The following PLD3 variants were observed in gnomAD, a reference collection of about 807,000 sequenced individuals.
PLD3 encodes 5'-3' exonuclease PLD3.
PLD3 carries 31 observed loss-of-function variants against 58.4 expected under a neutral mutation model. The ratio of observed to expected loss-of-function variants is 0.53; its 90% CI spans 0.40 to 0.72. The LOEUF (loss-of-function observed/expected upper bound fraction) is 0.72, where lower values mean the gene tolerates loss of function less well. Among genes scored for constraint, PLD3 ranks in the 30% least tolerant of loss-of-function variants. PLD3 has a pLI of 0.00. For missense variants in PLD3, 595 were observed against 659.8 expected (o/e 0.90, Z 1.08); for synonymous variants, 264 against 273.4 (o/e 0.97, Z 0.34).
At chr19:40,376,847 G>A (rs529725911) in intron 11 of PLD3, 73 bp downstream of exon 11, 87 of 1,399,522 alleles carry the variant, frequency 6.2e-5, no homozygotes, top group Middle Eastern at 3.6e-4. Context: ...CATGGGACTC[G>A]TCTGTCAATG....
chr19:40,377,817 A>G lies in PLD3; in HGVS notation c.1217A>G (p.Gln406Arg). The G allele has an allele frequency of 6.2e-7, 1 of 1,613,866 alleles. No homozygotes were observed. Among genetic ancestry groups the G allele is most frequent in the Non-Finnish European group, 8.5e-7 (1 of 1,179,864 alleles). The change falls in exon 12 of 13, where the codon CAG becomes CGG. Residue 406 changes from glutamine to arginine, a missense_variant. By Grantham distance (43) the Gln-to-Arg change is conservative. Transcript: ENST00000409735. ...TTTGTGGTCCCCGCGGATGAGGCCC[A>G]GGCTCGAATCCCATATGCCCGTGTC... ...KLFVVPADEA[Q>R]ARIPYARVNH...
intron 1 of PLD3, among the ~76,000 whole-genome samples, chr19:40,355,612 C>CTTTTTTTT (rs60422933): frequency 1.2e-5 from 1 of 81,104 alleles, no homozygotes; most frequent in Non-Finnish European, 2.3e-5. Flanking sequence ...GTGCCGGCTC[C>CTTTTTTTT]TTTTTTTTTT....
intron 1 of PLD3, among the ~76,000 whole-genome samples, chr19:40,351,819 T>G (rs899836162): frequency 7.9e-5 from 12 of 152,084 alleles, no homozygotes; most frequent in African/African-American, 2.9e-4. Flanking sequence ...AGGGATGCGG[T>G]CCAGTGTGAC....
rs771238072 is a variant in PLD3, at chr19:40,366,455, C to T, written c.-29C>T. On this transcript the variant is annotated 5_prime_UTR_variant, in exon 3 of 13. Coordinates refer to ENST00000409735, the MANE Select transcript of PLD3 (RefSeq NM_012268.4). ...TGACACACCCACCTTCTCACCTGGG[C>T]TCTGCGTATCCCCCAGCCTTGAGGG... 1.2e-6 allele frequency: 2 copies of T among 1,612,308 alleles called. No individual in the cohort carries two copies. Among genetic ancestry groups the T allele is most frequent in the South Asian group, 2.2e-5 (2 of 91,054 alleles).
chr19:40,354,069 C>CTTTTTTTT (rs36125021), intron 1 of PLD3, among the ~76,000 whole-genome samples: 1 of 78,254 alleles, frequency 1.3e-5, no homozygotes, highest in Non-Finnish European at 2.3e-5. Flanking sequence ...ATTTTTTAGC[C>CTTTTTTTT]TTTTTTTTTT....
At chr19:40,364,131 G>T (rs1440066785) in intron 1 of PLD3, among the ~76,000 whole-genome samples, 1 of 152,010 alleles carries the variant, frequency 6.6e-6, no homozygotes, top group Non-Finnish European at 1.5e-5. Context: ...CAAGGCAGGC[G>T]GATCACGAGG....
At chr19:40,355,743 A>G (rs986315690) in intron 1 of PLD3, 3 of 149,448 alleles carry the variant, frequency 2.0e-5, no homozygotes, top group African/African-American at 7.4e-5. Context: ...CCTGCTATGC[A>G]CTTTCCTATG....
chr19:40,377,470 G>A (rs900783629), intron 11 of PLD3, among the ~76,000 whole-genome samples: 3 of 151,688 alleles, frequency 2.0e-5, no homozygotes, highest in Non-Finnish European at 4.4e-5. Context: ...GGGTGGGGAT[G>A]CCCAGAGGAA....
chr19:40,373,576 C>CAA (rs1250262822), intron 9 of PLD3, among the ~76,000 whole-genome samples: 4 of 73,572 alleles, frequency 5.4e-5, no homozygotes, highest in African/African-American at 1.5e-4. Flanking sequence ...GACTCCACTT[C>CAA]AAAAAAAAAA....
chr19:40,371,594 A>G, intron 8 of PLD3, 79 bp from the exon 9 acceptor site: 1 of 927,078 alleles, frequency 1.1e-6, no homozygotes, highest in Non-Finnish European at 1.7e-6. Context: ...GGGGAAAGAC[A>G]GAGACCAGAC....
At position 40,377,917 on chromosome 19, in the gene PLD3, G is replaced by A. The variant is rs769974414; in HGVS notation, c.1285+32G>A. 1.5e-5 allele frequency: 25 copies of A among 1,613,064 alleles called. 1 individual carries two copies. The South Asian group carries it at 2.7e-4, about 18-fold the overall frequency. On this transcript the variant is annotated intron_variant, in intron 12 of 12. Transcript: ENST00000409735. ...GTCTTGAGCACCACGGGGCGCTGAA[G>A]AAGAGGGGGTTCAGACACCAGGGGC...
At chr19:40,364,512 C>T (rs1415437047) in intron 1 of PLD3, among the ~76,000 whole-genome samples, 5 of 151,660 alleles carry the variant, frequency 3.3e-5, no homozygotes, top group Non-Finnish European at 7.4e-5. Context: ...TTAGCTGCGG[C>T]TGGGCGCGGT....
chr19:40,367,546 G>A lies in PLD3; in HGVS notation c.246-150G>A, dbSNP rs73046346. The stretch of plus-strand genomic sequence containing the variant: ...CAGTGAGCTGAGATGGCGCCACTGC[G>A]CTTCCAGCCTGGGGGACAGGGCAAG... On this transcript the variant is annotated intron_variant, in intron 5 of 12. Transcript: ENST00000409735. 3.9e-3 allele frequency: 2,428 copies of A among 615,416 alleles called. 10 individuals are homozygous for A. The highest frequency in any genetic ancestry group is 5.0e-3 in the Non-Finnish European group (1,831 of 365,372). 38.1% of individuals were successfully genotyped at this position (615,416 alleles called of 1,614,324 possible). A position where few individuals can be genotyped will look rare whatever the true frequency, so the allele number is the denominator to read the frequency against.
intron 1 of PLD3, chr19:40,357,012 G>A (rs547569545): frequency 6.6e-6 from 1 of 152,232 alleles, no homozygotes; most frequent in South Asian, 2.1e-4. Context: ...TCCCTAGGAG[G>A]GGCACTTATT....
At chr19:40,351,229 TCAAAACAAAAAAACAAAA>T (rs1436347460) in intron 1 of PLD3, among the ~76,000 whole-genome samples, 1 of 122,930 alleles carries the variant, frequency 8.1e-6, no homozygotes, top group Non-Finnish European at 1.9e-5. Context: ...AGACCCTGTC[TCAAAACAAAAAAACAAAA>T]CAAAACAAAA....
intron 1 of PLD3, among the ~76,000 whole-genome samples, chr19:40,363,270 A>G (rs1323696940): frequency 6.6e-6 from 1 of 152,178 alleles, no homozygotes; most frequent in Non-Finnish European, 1.5e-5. Context: ...AAGAAAATTG[A>G]AGACAAGCAT....
chr19:40,376,867 G>T, intron 11 of PLD3, 93 bp downstream of exon 11: 1 of 1,218,982 alleles, frequency 8.2e-7, no homozygotes, highest in Non-Finnish European at 1.1e-6. Context: ...GACAAGGGCA[G>T]CCCAGAGTGA....
intron 1 of PLD3, among the ~76,000 whole-genome samples, chr19:40,353,473 C>G (rs2078569645): frequency 6.6e-6 from 1 of 152,112 alleles, no homozygotes; most frequent in Admixed American, 6.6e-5. Context: ...TGCTGTGCAA[C>G]CTAAGCAGGT....
rs67582213 is a variant in PLD3 at position 40,360,580 on chromosome 19, TAAAAAAAAAAAAA to T, written c.-278-5128_-278-5116del. 2.6e-5 allele frequency: 3 copies of T among 115,184 alleles called. No individual in the cohort carries two copies. In the East Asian group the frequency reaches 7.3e-4, roughly 28 times the overall value. The allele number at this position is 115,184 out of a possible 1,614,324, so 7.1% of individuals were successfully genotyped here. A position where few individuals can be genotyped will look rare whatever the true frequency, so the allele number is the denominator to read the frequency against. On this transcript the variant is annotated intron_variant, in intron 1 of 12. Coordinates refer to ENST00000409735, the MANE Select transcript of PLD3 (RefSeq NM_012268.4). ...TGGATAACAGAGCGAGACTCCGTCTTAAAAAAAAAAAAAAAAAAAAAAGACAACAAATTCATTC... is the reference window on the plus strand; with the variant it reads ...TGGATAACAGAGCGAGACTCCGTCTTAAAAAAAAAGACAACAAATTCATTC...
Sources: gnomAD v4.1 joint callset for allele counts (sites outside exome capture counted in the v4.1 genomes callset) on GRCh38, gnomAD v4.1.1 for gene constraint, MANE v1.5 for transcripts, NCBI Gene and HGNC (gene_info 2026-07-23, HGNC 2026-07-21) for gene names.